Variants in TRPM6 observed in about 807,000 individuals in gnomAD.
TRPM6 encodes the protein channel kinase 2.
Under a neutral mutation model 247.6 loss-of-function variants are expected in TRPM6, and 111 were observed. The ratio of observed to expected loss-of-function variants is 0.45; its 90% CI spans 0.38 to 0.52. TRPM6 has a LOEUF of 0.52. TRPM6 is among the 20% of genes least tolerant of loss of function. The pLI is 0.00. For synonymous variants in TRPM6, 892 were observed against 853.8 expected (o/e 1.04, Z -0.78); for missense variants, 2,126 against 2,421.5 (o/e 0.88, Z 2.56).
intron 18 of TRPM6, among the ~76,000 whole-genome samples, chr9:74,794,893 C>CT (rs371284602): frequency 7.5e-5 from 11 of 146,954 alleles, no homozygotes; most frequent in Non-Finnish European, 1.0e-4. Flanking sequence ...ACCCCACACT[C>CT]TTTTTTTCTA....
intron 27 of TRPM6, among the ~76,000 whole-genome samples, chr9:74,759,445 CAA>C (rs1826548460): frequency 6.6e-6 from 1 of 151,942 alleles, no homozygotes. Context: ...TAATTTTTGA[CAA>C]AGATGTCAAG....
At chr9:74,792,231 G>T (rs185979490) in intron 19 of TRPM6, among the ~76,000 whole-genome samples, 1 of 152,154 alleles carries the variant, frequency 6.6e-6, no homozygotes, top group Admixed American at 6.5e-5. Flanking sequence ...TAGGAGTGCC[G>T]AGAGAGTTTT....
In TRPM6 at chr9:74,724,005, G is replaced by A. The variant is rs1825231238; in HGVS notation, c.*608C>T. 1 of 151,266 alleles carries A rather than the reference G, an allele frequency of 6.6e-6. No individual in the cohort carries two copies. The highest frequency in any genetic ancestry group is 2.1e-4 in the South Asian group (1 of 4,802). 9.4% of individuals were successfully genotyped at this position (151,266 alleles called of 1,614,324 possible). ...ATATCCAGGCATCATATGATTCACT[G>A]ACAATATCTGAAACCCATCGAGATT... On this transcript the variant is annotated 3_prime_UTR_variant, in exon 39 of 39. Transcript: ENST00000360774.
In TRPM6 at chr9:74,816,981, C is replaced by G; in HGVS notation, c.1135-17G>C. 1 of 1,609,356 alleles carries G rather than the reference C, an allele frequency of 6.2e-7. No homozygotes were observed. Among genetic ancestry groups the G allele is most frequent in the Non-Finnish European group, 8.5e-7 (1 of 1,175,802 alleles). Reference sequence around the variant, plus strand: ...TATGGTAATCTACAACAGTGAAAAACAGAGAGCCATACATTTGGGGAACTA... The same window carrying G: ...TATGGTAATCTACAACAGTGAAAAAGAGAGAGCCATACATTTGGGGAACTA... On this transcript the variant is annotated splice_polypyrimidine_tract_variant and intron_variant, in intron 9 of 38. Transcript: ENST00000360774.
intron 3 of TRPM6, among the ~76,000 whole-genome samples, chr9:74,849,931 A>C (rs1830242073): frequency 6.6e-6 from 1 of 152,238 alleles, no homozygotes. Flanking sequence ...AGCAATGCTC[A>C]GTGTTGCAGG....
intron 36 of TRPM6, among the ~76,000 whole-genome samples, chr9:74,734,078 G>A (rs1200961605): frequency 6.6e-6 from 1 of 152,176 alleles, no homozygotes; most frequent in Non-Finnish European, 1.5e-5. Context: ...GCAATGTAAA[G>A]CTAAAATTTA....
intron 6 of TRPM6, among the ~76,000 whole-genome samples, chr9:74,830,400 T>G (rs1457839534): frequency 6.6e-6 from 1 of 151,878 alleles, no homozygotes; most frequent in Non-Finnish European, 1.5e-5. Flanking sequence ...TTGTTTGTTT[T>G]GTTTTTTTCT....
intron 32 of TRPM6, 47 bp from the exon 33 acceptor site, chr9:74,742,673 G>T: frequency 6.6e-7 from 1 of 1,524,114 alleles, no homozygotes; most frequent in Non-Finnish European, 9.1e-7. Context: ...ATCAGTGGCT[G>T]AATTTACAGA....
intron 1 of TRPM6, among the ~76,000 whole-genome samples, chr9:74,868,734 C>T (rs890300671): frequency 2.0e-5 from 3 of 151,938 alleles, no homozygotes; most frequent in Admixed American, 6.6e-5. Flanking sequence ...TAAAAGGTGG[C>T]GAGGGTGTCC....
intron 30 of TRPM6, among the ~76,000 whole-genome samples, chr9:74,749,071 T>G (rs1049376634): frequency 6.6e-6 from 1 of 152,206 alleles, no homozygotes; most frequent in South Asian, 2.1e-4. Context: ...AGTAACATAC[T>G]GTACAGGTTT....
In TRPM6 at chr9:74,841,069, T is replaced by A. The variant is rs1021486149; in HGVS notation, c.331-832A>T. 3.3e-5 allele frequency among the ~76,000 whole-genome samples: 5 copies of A among 151,998 alleles called. No individual in the cohort carries two copies. The East Asian group carries it at 9.6e-4, about 29-fold the overall frequency. On this transcript the variant is annotated intron_variant, in intron 4 of 38. Coordinates refer to ENST00000360774, the MANE Select transcript of TRPM6 (RefSeq NM_017662.5). ...ATTTATTGTAAATTTTACCTTCTAA[T>A]TAAAATTGTAAATTTTACCTTCTAA...
chr9:74,752,838 C>T (rs1819330), intron 28 of TRPM6, among the ~76,000 whole-genome samples: 550 of 152,240 alleles, frequency 3.6e-3, no homozygotes, highest in African/African-American at 0.012. Flanking sequence ...AGAGGCCAGG[C>T]GCCGTGGCTC....
Position 74,809,988 on chromosome 9 carries a change from A to AAC in TRPM6, c.1497+826_1497+827insGT, listed in dbSNP as rs2117883368. Among the ~76,000 whole-genome samples, 2 of 147,314 alleles carry AAC rather than the reference A, an allele frequency of 1.4e-5. 1 individual carries two copies. The highest frequency in any genetic ancestry group is 4.4e-4 in the South Asian group (2 of 4,594). On this transcript the variant is annotated intron_variant, in intron 13 of 38. Transcript: ENST00000360774. The stretch of plus-strand genomic sequence containing the variant: ...CAAAACTCCATCTCAAAAAAAAAAA[A>AAC]AAAAAAAAAAAAAACAAGGATATGT...
intron 3 of TRPM6, among the ~76,000 whole-genome samples, chr9:74,849,761 G>A (rs537465327): frequency 1.3e-5 from 2 of 152,328 alleles, no homozygotes; most frequent in South Asian, 2.1e-4. Context: ...GAAGCGATGT[G>A]TCCTGGAGCA....
rs749995119 is a variant in TRPM6, at chr9:74,771,793, A to G, written c.3446T>C (p.Phe1149Ser). Reference protein sequence around the residue: ...SKEDLKKLHDFEEQCVEKYFH... With the variant: ...SKEDLKKLHDSEEQCVEKYFH... Reference sequence around the variant, plus strand: ...GTATTTTTCCACGCACTGCTCCTCAAAATCATGAAGTTTTTTCAGATCCTC... The same window carrying G: ...GTATTTTTCCACGCACTGCTCCTCAGAATCATGAAGTTTTTTCAGATCCTC... Residue 1149 changes from phenylalanine (F) to serine (S), a missense_variant, in exon 25 of 39, where the codon TTT (phenylalanine) becomes TCT (serine). Phe to Ser is a radical substitution (Grantham distance 155). This residue lies in a region of TRPM6 where 717 missense variants were observed against 715.9 expected (regional missense o/e 1.00). Transcript: ENST00000360774. The G allele has an allele frequency of 6.2e-7, 1 of 1,613,752 alleles. No homozygotes were observed. Among genetic ancestry groups the G allele is most frequent in the Non-Finnish European group, 8.5e-7 (1 of 1,179,880 alleles).
At chr9:74,842,470 T>C in intron 3 of TRPM6, 127 bp from the exon 4 acceptor site, 1 of 995,676 alleles carries the variant, frequency 1.0e-6, no homozygotes, top group Non-Finnish European at 1.5e-6. Flanking sequence ...AAGGTTTATA[T>C]TAAATTTCTA....
intron 7 of TRPM6, among the ~76,000 whole-genome samples, chr9:74,825,481 GTGTA>G (rs1236109996): frequency 3.7e-5 from 5 of 135,780 alleles, no homozygotes; most frequent in South Asian, 2.5e-4. Context: ...GTGTGTGTGT[GTGTA>G]TGTGTGTGTG....
At chr9:74,744,170 T>C (rs1459801165) in intron 31 of TRPM6, 25 bp from the exon 32 acceptor site, 11 of 1,609,900 alleles carry the variant, frequency 6.8e-6, no homozygotes, top group Non-Finnish European at 9.4e-6. Flanking sequence ...GAGATTGGCA[T>C]TTTAATTACA....
rs1308310444 is a variant in TRPM6, at chr9:74,812,291, A to G, written c.1443+8T>C. 17 of 1,613,480 alleles carry G rather than the reference A, an allele frequency of 1.1e-5. No homozygotes were observed. In the East Asian group the frequency reaches 2.9e-4, roughly 28 times the overall value. On this transcript the variant is annotated splice_region_variant and intron_variant, in intron 12 of 38. Coordinates refer to ENST00000360774, the MANE Select transcript of TRPM6 (RefSeq NM_017662.5). ...AGGGAAATGATTGATGAAATGTTCC[A>G]TACTCACTGTATTGTAGAGCTCTTC...
Sources: allele counts gnomAD v4.1 joint callset (sites outside exome capture counted in the v4.1 genomes callset), GRCh38; gene constraint gnomAD v4.1.1; regional missense constraint gnomAD v4.1.1; transcripts MANE v1.5; gene names NCBI Gene and HGNC (gene_info 2026-07-23, HGNC 2026-07-21).